MOCOS: variants seen among roughly 807,000 people sequenced by gnomAD.
MOCOS encodes human molybdenum cofactor sulfurase.
A neutral mutation model predicts 83.6 loss-of-function variants in MOCOS; 86 were observed. The ratio of observed to expected loss-of-function variants is 1.03; its 90% CI spans 0.86 to 1.23. MOCOS has a LOEUF of 1.23. MOCOS is among the 50% of genes most tolerant of loss of function. The pLI is 0.00. For synonymous variants in MOCOS, 445 were observed against 434.7 expected (o/e 1.02, Z -0.29); for missense variants, 1,120 against 1,126.9 (o/e 0.99, Z 0.09).
In MOCOS at chr18:36,269,025, A is replaced by C. The variant is rs1008810151; in HGVS notation, c.*340A>C. The stretch of plus-strand genomic sequence containing the variant: ...ACTTACTGCGGGTCCCTATTTTGCC[A>C]TTTTCTCACATTGTTACTTTGTTTT... On this transcript the variant is annotated 3_prime_UTR_variant, in exon 15 of 15. Transcript: ENST00000261326. The C allele has an allele frequency of 6.6e-6, 2 of 303,916 alleles. No individual in the cohort carries two copies. Among genetic ancestry groups the C allele is most frequent in the Non-Finnish European group, 1.2e-5 (2 of 160,470 alleles). 18.8% of individuals were successfully genotyped at this position (303,916 alleles called of 1,614,324 possible). A position where few individuals can be genotyped will look rare whatever the true frequency, so the allele number is the denominator to read the frequency against.
intron 1 of MOCOS, among the ~76,000 whole-genome samples, chr18:36,193,746 TAAA>T (rs1309093379): frequency 6.6e-6 from 1 of 152,106 alleles, no homozygotes; most frequent in Non-Finnish European, 1.5e-5. Context: ...TTATCAAACT[TAAA>T]AAGAACTTGT....
intron 9 of MOCOS, among the ~76,000 whole-genome samples, chr18:36,223,276 A>G (rs2091503557): frequency 6.6e-6 from 1 of 152,198 alleles, no homozygotes; most frequent in Admixed American, 6.5e-5. Context: ...GTATGATGTA[A>G]GATAAGGGTC....
rs763050897 is a variant in MOCOS, at chr18:36,200,246, C to A, written c.863C>A (p.Thr288Asn). ...HNRAAPLLRKTYFGGGTASAY... is the reference protein window; with the variant it reads ...HNRAAPLLRKNYFGGGTASAY... ...CGTGCGGCTCCTCTACTGAGGAAGA[C>A]CTACTTTGGAGGAGGGACAGCCTCT... Residue 288 changes from threonine to asparagine, a missense_variant, in exon 4 of 15, where the codon ACC becomes AAC. Coordinates refer to ENST00000261326, the MANE Select transcript of MOCOS (RefSeq NM_017947.4). 14 of 1,614,030 alleles carry A rather than the reference C, an allele frequency of 8.7e-6. No homozygotes were observed. The Admixed American group carries it at 2.2e-4, about 25-fold the overall frequency.
At chr18:36,205,750 A>AT (rs2091432387) in intron 6 of MOCOS, among the ~76,000 whole-genome samples, 2 of 151,814 alleles carry the variant, frequency 1.3e-5, no homozygotes, top group Admixed American at 6.6e-5. Context: ...ATTTTTATTT[A>AT]TTTTTTTGAG....
chr18:36,221,728 G>GTT (rs10701522), intron 9 of MOCOS, among the ~76,000 whole-genome samples: 15,331 of 132,594 alleles, frequency 0.12, 1,652 homozygotes, highest in East Asian at 0.16. Context: ...ATATCCCATT[G>GTT]TTTTTTTTTT....
chr18:36,216,854 T>C (rs1448208779), intron 8 of MOCOS, among the ~76,000 whole-genome samples: 1 of 152,142 alleles, frequency 6.6e-6, no homozygotes, highest in Non-Finnish European at 1.5e-5. Flanking sequence ...ATCACCAACA[T>C]TGGGACAAAT....
rs1259897071 is a variant in MOCOS at position 36,213,460 on chromosome 18, AGAT to A, written c.1315_1317del (p.Met439del). ...CAGAGGCACCTGGGCATAAGCAACGAGATGGTCAGGAAGCATTTTCAGGTTGGT... is the reference window on the plus strand; with the variant it reads ...CAGAGGCACCTGGGCATAAGCAACGAGGTCAGGAAGCATTTTCAGGTTGGT... On this transcript the variant is annotated inframe_deletion, in exon 7 of 15. Transcript: ENST00000261326. 1 of 1,613,754 alleles carries A rather than the reference AGAT, an allele frequency of 6.2e-7. No homozygotes were observed. Among genetic ancestry groups the A allele is most frequent in the Non-Finnish European group, 8.5e-7 (1 of 1,179,994 alleles).
intron 9 of MOCOS, among the ~76,000 whole-genome samples, chr18:36,231,977 G>T (rs754182866): frequency 3.3e-5 from 5 of 151,920 alleles, no homozygotes; most frequent in Admixed American, 6.6e-5. Flanking sequence ...TGTTGTTTTG[G>T]TTTTTTTGAG....
chr18:36,259,097 G>T (rs1236520878), intron 12 of MOCOS, among the ~76,000 whole-genome samples: 1 of 148,016 alleles, frequency 6.8e-6, no homozygotes, highest in East Asian at 2.1e-4. Context: ...GGGTGCAGAG[G>T]GCCATTTTTT....
chr18:36,259,899 C>T (rs1308259450), intron 12 of MOCOS, 138 bp from the exon 13 acceptor site: 9 of 1,219,516 alleles, frequency 7.4e-6, no homozygotes, highest in Non-Finnish European at 1.1e-5. Context: ...TGGTAAAAGT[C>T]TGTTTTGATT....
intron 2 of MOCOS, among the ~76,000 whole-genome samples, chr18:36,197,632 G>C (rs1598870470): frequency 6.6e-6 from 1 of 152,114 alleles, no homozygotes; most frequent in South Asian, 2.1e-4. Flanking sequence ...AATCAGCCAG[G>C]TGTGGTGGCA....
intron 9 of MOCOS, among the ~76,000 whole-genome samples, chr18:36,226,445 C>G (rs2091515585): frequency 6.6e-6 from 1 of 151,678 alleles, no homozygotes; most frequent in African/African-American, 2.4e-5. Flanking sequence ...AAACAGCATA[C>G]AGTTGGGTTT....
chr18:36,190,757 C>G (rs2091361688), intron 1 of MOCOS, among the ~76,000 whole-genome samples: 1 of 151,360 alleles, frequency 6.6e-6, no homozygotes. Context: ...TCAAAAAAAA[C>G]AAAAAAACAA....
chr18:36,219,273 C>T (rs566012801), intron 8 of MOCOS, among the ~76,000 whole-genome samples: 53 of 152,090 alleles, frequency 3.5e-4, no homozygotes, highest in African/African-American at 1.2e-3. Flanking sequence ...CTGCAACCTC[C>T]GCTTCCTAGG....
In MOCOS at chr18:36,258,324, A is replaced by G. The variant is rs550200853; in HGVS notation, c.2270+1251A>G. On this transcript the variant is annotated intron_variant, in intron 12 of 14. Transcript: ENST00000261326. ...TTTATTTGCAAATTTGAGGGACTCT[A>G]TCATGCACATGTTAACCATGATAGC... Among the ~76,000 whole-genome samples, 48 of 152,340 alleles carry G rather than the reference A, an allele frequency of 3.2e-4. 1 individual carries two copies. The highest frequency in any genetic ancestry group is 1.1e-3 in the African/African-American group (46 of 41,566).
At position 36,270,510 on chromosome 18, in the gene MOCOS, C is replaced by G. The variant is rs556496365; in HGVS notation, c.*1825C>G. 1 of 151,844 alleles carries G rather than the reference C, an allele frequency of 6.6e-6. No homozygotes were observed. 9.4% of individuals were successfully genotyped at this position (151,844 alleles called of 1,614,324 possible). ...TGGGCAGATCATGAGGTCAGGAGAT[C>G]GAGACCATCCTGGCTAACACGGTGA... On this transcript the variant is annotated 3_prime_UTR_variant, in exon 15 of 15. Transcript: ENST00000261326.
intron 13 of MOCOS, among the ~76,000 whole-genome samples, chr18:36,262,686 A>G (rs2091668181): frequency 6.6e-6 from 1 of 152,072 alleles, no homozygotes; most frequent in Non-Finnish European, 1.5e-5. Flanking sequence ...TTTGGTAGAG[A>G]TGGGATTTCA....
intron 8 of MOCOS, among the ~76,000 whole-genome samples, chr18:36,219,404 C>T (rs183598937): frequency 2.0e-3 from 310 of 152,154 alleles, no homozygotes; most frequent in Non-Finnish European, 3.8e-3. Flanking sequence ...AAGGGGTGGG[C>T]GTGGTGGCTC....
intron 9 of MOCOS, among the ~76,000 whole-genome samples, chr18:36,245,978 A>G (rs2091600784): frequency 6.6e-6 from 1 of 151,956 alleles, no homozygotes; most frequent in Admixed American, 6.6e-5. Context: ...AGAAGTTGTG[A>G]TCATCTTTTC....
Sources: gnomAD v4.1 joint callset for allele counts (sites outside exome capture counted in the v4.1 genomes callset) on GRCh38, gnomAD v4.1.1 for gene constraint, MANE v1.5 for transcripts, NCBI Gene and HGNC (gene_info 2026-07-23, HGNC 2026-07-21) for gene names.